Variants in GRHPR observed in about 807,000 individuals in gnomAD.
GRHPR encodes the protein glyoxylate reductase/hydroxypyruvate reductase.
In GRHPR, 35 loss-of-function variants were observed where a neutral mutation model predicts 36.8. That is an observed-to-expected ratio of 0.95 (90% CI 0.73 to 1.26). The LOEUF (loss-of-function observed/expected upper bound fraction) is 1.26, where lower values mean the gene tolerates loss of function less well. GRHPR is among the 50% of genes most tolerant of loss of function. GRHPR has a pLI of 0.00. For missense variants in GRHPR, 380 were observed against 435.0 expected (o/e 0.87, Z 1.12); for synonymous variants, 179 against 181.0 (o/e 0.99, Z 0.09).
At chr9:37,433,523 C>T (rs1437763425) in intron 8 of GRHPR, among the ~76,000 whole-genome samples, 3 of 152,058 alleles carry the variant, frequency 2.0e-5, no homozygotes, top group South Asian at 2.1e-4. Context: ...CATGAGTGTC[C>T]GGCCAATTCT....
intron 1 of GRHPR, 33 bp from the exon 2 acceptor site, chr9:37,424,812 C>G: frequency 6.2e-7 from 1 of 1,608,396 alleles, no homozygotes; most frequent in Non-Finnish European, 8.5e-7. Context: ...TGTGCGGCTC[C>G]TGCTTCTCCT....
rs1055717404 is a variant in GRHPR at position 37,432,214 on chromosome 9, C to T, written c.865+76C>T. On this transcript the variant is annotated intron_variant, in intron 8 of 8. Transcript: ENST00000318158. Reference sequence around the variant, plus strand: ...TGTTTTTGAGGGGGTCCCAAGGGGCCGGGTGTGGAGCTAGTGTGAGCAGGT... The same window carrying T: ...TGTTTTTGAGGGGGTCCCAAGGGGCTGGGTGTGGAGCTAGTGTGAGCAGGT... The T allele has an allele frequency of 1.4e-5, 20 of 1,449,786 alleles. No individual in the cohort carries two copies. In the Admixed American group the frequency reaches 2.8e-4, roughly 20 times the overall value. The allele number at this position is 1,449,786 out of a possible 1,614,324, so 89.8% of individuals were successfully genotyped here. A position where few individuals can be genotyped will look rare whatever the true frequency, so the allele number is the denominator to read the frequency against.
At chr9:37,423,314 CA>C (rs1822930736) in intron 1 of GRHPR, among the ~76,000 whole-genome samples, 1 of 148,828 alleles carries the variant, frequency 6.7e-6, no homozygotes, top group African/African-American at 2.5e-5. Flanking sequence ...ACTACAGGCG[CA>C]AACAATCACT....
intron 8 of GRHPR, chr9:37,434,518 G>A (rs112063198): frequency 1.6e-5 from 7 of 429,184 alleles, no homozygotes; most frequent in East Asian, 4.4e-5. Flanking sequence ...GGAAAAGCCC[G>A]CAGAACATGT....
intron 8 of GRHPR, among the ~76,000 whole-genome samples, chr9:37,433,476 C>T (rs1823476487): frequency 1.3e-5 from 2 of 152,102 alleles, no homozygotes; most frequent in South Asian, 4.1e-4. Context: ...TCAGATGGTC[C>T]ACCTGCCTCT....
chr9:37,422,522 C>CT, upstream of GRHPR: 6 of 565,402 alleles, frequency 1.1e-5, no homozygotes, highest in South Asian at 2.0e-5. Flanking sequence ...GGCGCACCCC[C>CT]CCACACACAC....
At chr9:37,422,613 C>T (rs1822878576), upstream of GRHPR, 3 of 721,458 alleles carry the variant, frequency 4.2e-6, no homozygotes, top group Admixed American at 6.2e-5. Flanking sequence ...CCGGCGCTCC[C>T]TCTCGCGAAG....
rs2118865447 is a variant in GRHPR at position 37,426,580 on chromosome 9, C to T, written c.330C>T (p.Thr110=). ...VGYTPDVLTD[T]TAELAVSLLL... The stretch of plus-strand genomic sequence containing the variant: ...ACACCCCAGATGTCCTGACAGATAC[C>T]ACCGCCGAACTCGCAGTCTCCCTGC... The change falls in exon 4 of 9, where the codon ACC becomes ACT. Residue 110 remains threonine, a synonymous_variant. Coordinates refer to ENST00000318158, the MANE Select transcript of GRHPR (RefSeq NM_012203.2). 6.2e-7 allele frequency: 1 copy of T among 1,613,920 alleles called. No homozygotes were observed. Among genetic ancestry groups the T allele is most frequent in the East Asian group, 2.2e-5 (1 of 44,884 alleles).
At chr9:37,430,239 G>A in intron 6 of GRHPR, 1 of 574,284 alleles carries the variant, frequency 1.7e-6, no homozygotes, top group Non-Finnish European at 3.1e-6. Context: ...CGGGTCCACA[G>A]CCTGGTGAGC....
intron 7 of GRHPR, chr9:37,431,142 A>C: frequency 2.4e-6 from 1 of 418,734 alleles, no homozygotes; most frequent in Non-Finnish European, 5.0e-6. Flanking sequence ...GCCACTGGGC[A>C]TGTATGGAGG....
rs767510376 is a variant in GRHPR, at chr9:37,428,453, G to A, written c.405-31G>A. 3 of 1,440,646 alleles carry A rather than the reference G, an allele frequency of 2.1e-6. No individual in the cohort carries two copies. In the East Asian group the frequency reaches 6.8e-5, roughly 33 times the overall value. The allele number at this position is 1,440,646 out of a possible 1,614,324, so 89.2% of individuals were successfully genotyped here. ...GGCCCCCATCTTGGTCCAAGGCTGG[G>A]CCTCTCACCTGCCCCTCTCTCTCCC... On this transcript the variant is annotated intron_variant, in intron 4 of 8. Transcript: ENST00000318158.
chr9:37,432,461 C>T (rs558257173), intron 8 of GRHPR: 10 of 343,572 alleles, frequency 2.9e-5, no homozygotes, highest in East Asian at 1.5e-4. Context: ...GGGTGGATCA[C>T]GAGGTCAGGG....
upstream of GRHPR, chr9:37,422,693 G>A: frequency 7.3e-7 from 1 of 1,362,282 alleles, no homozygotes. Flanking sequence ...CCCCGGCCCA[G>A]CTACATTCCC....
Position 37,430,633 on chromosome 9 carries a change from A to G in GRHPR, c.721A>G (p.Ile241Val). The G allele has an allele frequency of 6.2e-7, 1 of 1,613,932 alleles. No individual in the cohort carries two copies. Among genetic ancestry groups the G allele is most frequent in the African/African-American group, 1.3e-5 (1 of 75,040 alleles). Reference protein sequence around the residue: ...FQKMKETAVFINISRGDVVNQ... With the variant: ...FQKMKETAVFVNISRGDVVNQ... ...GAAGATGAAGGAAACAGCTGTGTTCATCAACATCAGCAGGTATCCTAGGGC... is the reference window on the plus strand; with the variant it reads ...GAAGATGAAGGAAACAGCTGTGTTCGTCAACATCAGCAGGTATCCTAGGGC... Residue 241 changes from isoleucine (I) to valine (V), a missense_variant, in exon 7 of 9, where the codon ATC (isoleucine) becomes GTC (valine). Transcript: ENST00000318158.
At chr9:37,427,837 C>CAA (rs1402474005) in intron 4 of GRHPR, 23 of 137,428 alleles carry the variant, frequency 1.7e-4, no homozygotes, top group South Asian at 4.2e-4. Context: ...GACCCTGTCT[C>CAA]CAAAAAAAAA....
At chr9:37,422,681 C>G, upstream of GRHPR, 3 of 1,264,644 alleles carry the variant, frequency 2.4e-6, no homozygotes, top group South Asian at 3.8e-5. Context: ...AGCCTGGCCC[C>G]GCCCCGGCCC....
intron 8 of GRHPR, 37 bp from the exon 9 acceptor site, chr9:37,436,624 C>G: frequency 6.2e-7 from 1 of 1,609,268 alleles, no homozygotes; most frequent in Non-Finnish European, 8.5e-7. Flanking sequence ...CTGAACCACC[C>G]TTCTTATCTC....
chr9:37,422,911 T>C lies in GRHPR; in HGVS notation c.83+78T>C. On this transcript the variant is annotated intron_variant, in intron 1 of 8. Transcript: ENST00000318158. ...AGAGCCGGGCGGGGCGTTTGGGCCTTGTGGCCGGCTGGGGCAGGCTTGGAG... is the reference window on the plus strand; with the variant it reads ...AGAGCCGGGCGGGGCGTTTGGGCCTCGTGGCCGGCTGGGGCAGGCTTGGAG... 3 of 1,042,968 alleles carry C rather than the reference T, an allele frequency of 2.9e-6. No homozygotes were observed. In the South Asian group the frequency reaches 4.2e-5, roughly 15 times the overall value. 64.6% of individuals were successfully genotyped at this position (1,042,968 alleles called of 1,614,324 possible). A position where few individuals can be genotyped will look rare whatever the true frequency, so the allele number is the denominator to read the frequency against.
At chr9:37,427,838 C>A (rs10973334) in intron 4 of GRHPR, 5,891 of 85,756 alleles carry the variant, frequency 0.069, 125 homozygotes, top group South Asian at 0.16. Flanking sequence ...ACCCTGTCTC[C>A]AAAAAAAAAA....
Sources: allele counts gnomAD v4.1 joint callset (sites outside exome capture counted in the v4.1 genomes callset), GRCh38; gene constraint gnomAD v4.1.1; transcripts MANE v1.5; gene names NCBI Gene and HGNC (gene_info 2026-07-23, HGNC 2026-07-21).